Variants in GXYLT2 observed in about 807,000 individuals in gnomAD.
GXYLT2 encodes the protein glycosyltransferase 8 domain containing 4.
Under a neutral mutation model 45.8 loss-of-function variants are expected in GXYLT2, and 53 were observed. That is an observed-to-expected ratio of 1.16 (90% confidence interval 0.93 to 1.46). The LOEUF (loss-of-function observed/expected upper bound fraction) is 1.46. GXYLT2 is among the 40% of genes most tolerant of loss of function. The probability of loss-of-function intolerance (pLI) is 0.00; values close to 1 mark genes in which losing one functional copy is unlikely to be tolerated. For synonymous variants in GXYLT2, 219 were observed against 214.2 expected (o/e 1.02, Z -0.19); for missense variants, 551 against 544.4 (o/e 1.01, Z -0.12).
At chr3:72,937,034 G>A (rs1159138190) in intron 3 of GXYLT2, among the ~76,000 whole-genome samples, 1 of 152,118 alleles carries the variant, frequency 6.6e-6, no homozygotes, top group Non-Finnish European at 1.5e-5. Context: ...ATATGGTGGA[G>A]GACATAGAGG....
In GXYLT2 at chr3:72,929,454, C is replaced by T. The variant is rs574715221; in HGVS notation, c.600+7119C>T. ...CCATTTGTGTGACTTCATTGAGACACATTACCTGAATGAGCAGGTGAAAGC... is the reference window on the plus strand; with the variant it reads ...CCATTTGTGTGACTTCATTGAGACATATTACCTGAATGAGCAGGTGAAAGC... On this transcript the variant is annotated intron_variant, in intron 3 of 6. Transcript: ENST00000389617. 52 of 1,506,184 alleles carry T rather than the reference C, an allele frequency of 3.5e-5. 1 individual carries two copies. In the Middle Eastern group the frequency reaches 8.6e-4, roughly 25 times the overall value. 93.3% of individuals were successfully genotyped at this position (1,506,184 alleles called of 1,614,324 possible). A position where few individuals can be genotyped will look rare whatever the true frequency, so the allele number is the denominator to read the frequency against.
At chr3:72,907,140 T>G (rs2107078470) in intron 1 of GXYLT2, among the ~76,000 whole-genome samples, 1 of 152,236 alleles carries the variant, frequency 6.6e-6, no homozygotes, top group East Asian at 1.9e-4. Flanking sequence ...CCAGAGATAC[T>G]TGGGATGTCT....
chr3:72,888,069 C>T lies in GXYLT2; in HGVS notation c.-165C>T, dbSNP rs138863184. On this transcript the variant is annotated 5_prime_UTR_variant, in exon 1 of 7. Coordinates refer to ENST00000389617, the MANE Select transcript of GXYLT2 (RefSeq NM_001080393.2). ...TCCTCTCCTCTCTCTCCTCCTCCTT[C>T]GCCGTCGCCGCCGCCGCCGGCCGCC... The T allele has an allele frequency of 0.016, 3,563 of 225,990 alleles. 137 individuals are homozygous for T. Among genetic ancestry groups the T allele is most frequent in the African/African-American group, 0.077 (3,251 of 42,230 alleles). The allele number at this position is 225,990 out of a possible 1,614,324, so 14.0% of individuals were successfully genotyped here.
At chr3:72,895,473 T>C (rs1408911836) in intron 1 of GXYLT2, among the ~76,000 whole-genome samples, 3 of 152,210 alleles carry the variant, frequency 2.0e-5, no homozygotes, top group African/African-American at 4.8e-5. Context: ...TTTACTAAAT[T>C]CAGTAAATAT....
chr3:72,965,696 G>C (rs1710853570), intron 5 of GXYLT2, among the ~76,000 whole-genome samples: 1 of 152,016 alleles, frequency 6.6e-6, no homozygotes, highest in African/African-American at 2.4e-5. Flanking sequence ...TTCATTATAG[G>C]ATGTTCAGAG....
chr3:72,972,476 A>G (rs1279454697), intron 6 of GXYLT2, among the ~76,000 whole-genome samples: 2 of 151,734 alleles, frequency 1.3e-5, no homozygotes, highest in East Asian at 1.9e-4. Flanking sequence ...CCCCATCTCT[A>G]CTAAAAATAC....
Position 72,976,863 on chromosome 3 carries a change from A to G in GXYLT2, c.*1704A>G, listed in dbSNP as rs1019688008. On this transcript the variant is annotated 3_prime_UTR_variant, in exon 7 of 7. Transcript: ENST00000389617. ...AAGACATACAGTCTGTGTAAGATGT[A>G]TCTTATTTACAGAGACATTTTTGAA... 6.6e-6 allele frequency: 1 copy of G among 152,232 alleles called. No individual in the cohort carries two copies. Among genetic ancestry groups the G allele is most frequent in the Non-Finnish European group, 1.5e-5 (1 of 68,040 alleles). The allele number at this position is 152,232 out of a possible 1,614,324, so 9.4% of individuals were successfully genotyped here.
rs372234996 is a variant in GXYLT2, at chr3:72,955,279, A to G, written c.782A>G (p.Tyr261Cys). Reference sequence around the variant, plus strand: ...AGCCGCTTTGCTAGGCATCCTTTCTATGGCTCTGCAGGAGTTAATTCAGGA... The same window carrying G: ...AGCCGCTTTGCTAGGCATCCTTTCTGTGGCTCTGCAGGAGTTAATTCAGGA... ...WYSRFARHPFYGSAGVNSGVM... is the reference protein window; with the variant it reads ...WYSRFARHPFCGSAGVNSGVM... The change falls in exon 4 of 7, where the codon TAT becomes TGT. Residue 261 changes from tyrosine (Y) to cysteine (C), a missense_variant. By Grantham distance (194) the Tyr-to-Cys change is radical (BLOSUM62 -2). Coordinates refer to ENST00000389617, the MANE Select transcript of GXYLT2 (RefSeq NM_001080393.2). The G allele has an allele frequency of 5.9e-5, 96 of 1,613,910 alleles. No individual in the cohort carries two copies. Among genetic ancestry groups the G allele is most frequent in the Non-Finnish European group, 7.8e-5 (92 of 1,179,900 alleles).
chr3:72,896,777 G>A (rs1349644509), intron 1 of GXYLT2, among the ~76,000 whole-genome samples: 1 of 152,074 alleles, frequency 6.6e-6, no homozygotes, highest in Non-Finnish European at 1.5e-5. Flanking sequence ...TTGAACCCGG[G>A]AGGCAGAGGT....
rs534438814 is a variant in GXYLT2, at chr3:72,948,040, A to G, written c.601-7058A>G. Reference sequence around the variant, plus strand: ...CAAATAGAGAAAAAGATAAATTCACAGAGTTGGAGATTCCAACATTCCTCT... The same window carrying G: ...CAAATAGAGAAAAAGATAAATTCACGGAGTTGGAGATTCCAACATTCCTCT... On this transcript the variant is annotated intron_variant, in intron 3 of 6. Coordinates refer to ENST00000389617, the MANE Select transcript of GXYLT2 (RefSeq NM_001080393.2). 2.9e-4 allele frequency among the ~76,000 whole-genome samples: 44 copies of G among 152,358 alleles called. No individual in the cohort carries two copies. In the South Asian group the frequency reaches 2.9e-3, roughly 10 times the overall value.
intron 1 of GXYLT2, among the ~76,000 whole-genome samples, chr3:72,906,213 C>G (rs1460108187): frequency 2.0e-5 from 3 of 152,156 alleles, no homozygotes; most frequent in African/African-American, 7.2e-5. Context: ...AAGGAAGAGA[C>G]CAGGCCTGTG....
chr3:72,940,199 G>A (rs1032879197), intron 3 of GXYLT2, among the ~76,000 whole-genome samples: 9 of 152,042 alleles, frequency 5.9e-5, no homozygotes, highest in South Asian at 2.1e-4. Flanking sequence ...GTATGTGTTC[G>A]TGTGTGTTTA....
At chr3:72,948,195 A>G (rs1710447857) in intron 3 of GXYLT2, among the ~76,000 whole-genome samples, 2 of 152,180 alleles carry the variant, frequency 1.3e-5, no homozygotes, top group African/African-American at 4.8e-5. Context: ...GTAAAGCTCC[A>G]TGGAGCTCGT....
At position 72,967,680 on chromosome 3, in the gene GXYLT2, G is replaced by C. The variant is rs753233634; in HGVS notation, c.1110G>C (p.Lys370Asn). ...HGNRGVYHDD[K>N]QPTFRALYEA... ...ACCGAGGCGTCTACCATGACGATAA[G>C]CAACCAACGTTCAGAGCACTCTATG... Residue 370 changes from lysine (K) to asparagine (N), a missense_variant, in exon 6 of 7, where the codon AAG (lysine) becomes AAC (asparagine). Coordinates refer to ENST00000389617, the MANE Select transcript of GXYLT2 (RefSeq NM_001080393.2). 1.9e-6 allele frequency: 3 copies of C among 1,613,910 alleles called. No individual in the cohort carries two copies.
At chr3:72,950,628 TA>T (rs36027041) in intron 3 of GXYLT2, among the ~76,000 whole-genome samples, 102 of 145,170 alleles carry the variant, frequency 7.0e-4, no homozygotes, top group Middle Eastern at 3.6e-3. Context: ...AAACCCTGTC[TA>T]AAAAAAAAAA....
intron 2 of GXYLT2, among the ~76,000 whole-genome samples, chr3:72,912,308 C>T (rs1709648046): frequency 6.6e-6 from 1 of 152,056 alleles, no homozygotes; most frequent in African/African-American, 2.4e-5. Context: ...CTGTGCCCAG[C>T]ACTGGCTAAT....
intron 6 of GXYLT2, among the ~76,000 whole-genome samples, chr3:72,971,947 TAAAAA>T (rs77835059): frequency 7.7e-6 from 1 of 130,632 alleles, no homozygotes; most frequent in African/African-American, 2.8e-5. Flanking sequence ...ACACTCCATC[TAAAAA>T]AAAAAAAAAA....
chr3:72,965,124 A>G (rs901955113), intron 5 of GXYLT2, among the ~76,000 whole-genome samples: 2 of 152,232 alleles, frequency 1.3e-5, no homozygotes, highest in Admixed American at 6.5e-5. Context: ...AAATGCAAGT[A>G]AGGGAATGTC....
intron 1 of GXYLT2, among the ~76,000 whole-genome samples, chr3:72,895,842 A>C (rs1176181080): frequency 6.6e-6 from 1 of 152,226 alleles, no homozygotes; most frequent in Non-Finnish European, 1.5e-5. Context: ...GATATATTTC[A>C]AGTGACTTTT....
Sources: allele counts gnomAD v4.1 joint callset (sites outside exome capture counted in the v4.1 genomes callset), GRCh38; gene constraint gnomAD v4.1.1; transcripts MANE v1.5; gene names NCBI Gene and HGNC (gene_info 2026-07-23, HGNC 2026-07-21).